Variants in IL15 observed in about 807,000 individuals in gnomAD.
IL15 encodes the protein interleukin-15.
A neutral mutation model predicts 19.6 loss-of-function variants in IL15; 11 were observed. That is an observed-to-expected ratio of 0.56 (90% CI 0.35 to 0.93). The LOEUF (loss-of-function observed/expected upper bound fraction) is 0.93, where lower values mean the gene tolerates loss of function less well. IL15 is among the 40% of genes least tolerant of loss of function. The pLI is 0.01. For synonymous variants in IL15, 58 were observed against 59.6 expected (o/e 0.97, Z 0.12); for missense variants, 197 against 186.5 (o/e 1.06, Z -0.33).
Position 141,733,895 on chromosome 4 carries a change from C to T in IL15, c.*1047C>T, listed in dbSNP as rs1234448588. The T allele has an allele frequency of 6.6e-6, 1 of 152,086 alleles. No homozygotes were observed. The highest frequency in any genetic ancestry group is 6.6e-5 in the Admixed American group (1 of 15,264). The allele number at this position is 152,086 out of a possible 1,614,324, so 9.4% of individuals were successfully genotyped here. ...AGAAAATAATTGTTTATATTTTTTG[C>T]ACTACACTGTCTAAAATTAGCAAGC... On this transcript the variant is annotated 3_prime_UTR_variant, in exon 8 of 8. Coordinates refer to ENST00000320650, the MANE Select transcript of IL15 (RefSeq NM_000585.5).
At chr4:141,723,876 G>C (rs1730175034) in intron 5 of IL15, among the ~76,000 whole-genome samples, 1 of 152,020 alleles carries the variant, frequency 6.6e-6, no homozygotes. Flanking sequence ...AAGAGAAATA[G>C]ACAAATCCAC....
At chr4:141,716,431 A>G (rs1009221509) in intron 2 of IL15, 1 of 152,244 alleles carries the variant, frequency 6.6e-6, no homozygotes, top group Non-Finnish European at 1.5e-5. Context: ...AGCTTGACCC[A>G]CTGCTTCACA....
chr4:141,694,226 G>C (rs761683853), intron 2 of IL15, among the ~76,000 whole-genome samples: 1 of 152,198 alleles, frequency 6.6e-6, no homozygotes, highest in African/African-American at 2.4e-5. Context: ...TCATCCACAC[G>C]TGAACGTGGA....
intron 2 of IL15, among the ~76,000 whole-genome samples, chr4:141,657,920 A>G (rs1727661832): frequency 6.6e-6 from 1 of 152,384 alleles, no homozygotes; most frequent in East Asian, 1.9e-4. Flanking sequence ...ATAATCAAGT[A>G]TTATGTACTG....
chr4:141,678,561 G>A (rs1402815052), intron 2 of IL15, among the ~76,000 whole-genome samples: 2 of 148,138 alleles, frequency 1.4e-5, no homozygotes, highest in Non-Finnish European at 3.0e-5. Flanking sequence ...ATTTGATCTG[G>A]TGCACACAAT....
At chr4:141,655,997 G>A (rs889765898) in intron 1 of IL15, among the ~76,000 whole-genome samples, 189 bp from the exon 2 acceptor site, 1 of 152,052 alleles carries the variant, frequency 6.6e-6, no homozygotes, top group African/African-American at 2.4e-5. Flanking sequence ...TTAAATTATG[G>A]GGAACTCTGA....
chr4:141,643,055 G>A (rs1015414680), intron 1 of IL15, among the ~76,000 whole-genome samples: 1 of 152,134 alleles, frequency 6.6e-6, no homozygotes, highest in African/African-American at 2.4e-5. Context: ...TAGTATTTTA[G>A]GGAAATTAGT....
intron 5 of IL15, among the ~76,000 whole-genome samples, chr4:141,726,154 T>A (rs1437495560): frequency 6.6e-6 from 1 of 152,106 alleles, no homozygotes; most frequent in Non-Finnish European, 1.5e-5. Context: ...AGTTTCAATC[T>A]GAATTTTGGA....
intron 2 of IL15, among the ~76,000 whole-genome samples, chr4:141,693,953 G>A (rs971165972): frequency 3.9e-5 from 6 of 152,298 alleles, no homozygotes; most frequent in Non-Finnish European, 8.8e-5. Context: ...ATTGTATATA[G>A]GTATTACTGA....
intron 7 of IL15, 75 bp from the exon 8 acceptor site, chr4:141,732,663 G>A: frequency 6.4e-7 from 1 of 1,564,116 alleles, no homozygotes; most frequent in East Asian, 2.3e-5. Context: ...CAAACGATAT[G>A]ATATTCCCAT....
intron 2 of IL15, among the ~76,000 whole-genome samples, chr4:141,710,468 T>A (rs541900684): frequency 1.8e-4 from 27 of 152,326 alleles, no homozygotes; most frequent in Admixed American, 5.9e-4. Context: ...TATCATTTTA[T>A]TTTTGTTTCA....
intron 2 of IL15, among the ~76,000 whole-genome samples, chr4:141,675,685 C>G (rs535561623): frequency 3.9e-5 from 6 of 152,228 alleles, no homozygotes; most frequent in Admixed American, 3.9e-4. Context: ...AGTTGGATTG[C>G]TTGATATGTA....
Position 141,652,716 on chromosome 4 carries a change from A to G in IL15, c.-221-3470A>G, listed in dbSNP as rs186611989. ...AGCCAAGCCTAGAGAAACTGTCTGG[A>G]GAAAGAGTACTGGAGGATTTGTGGT... On this transcript the variant is annotated intron_variant, in intron 1 of 7. Transcript: ENST00000320650. Among the ~76,000 whole-genome samples, 241 of 152,274 alleles carry G rather than the reference A, an allele frequency of 1.6e-3. 2 individuals carry two copies. Among genetic ancestry groups the G allele is most frequent in the African/African-American group, 5.6e-3 (233 of 41,568 alleles).
chr4:141,718,016 T>C (rs547618588), intron 2 of IL15: 4 of 152,326 alleles, frequency 2.6e-5, no homozygotes, highest in Admixed American at 6.5e-5. Flanking sequence ...TAGATACTTT[T>C]GAGGACATTT....
intron 2 of IL15, among the ~76,000 whole-genome samples, chr4:141,697,075 A>C (rs1231736333): frequency 6.6e-6 from 1 of 151,996 alleles, no homozygotes; most frequent in East Asian, 1.9e-4. Flanking sequence ...CTTAGTCATA[A>C]ATTCTTTGCC....
chr4:141,671,778 ATAGGACATAAATCGTAGC>A (rs1728184222), intron 2 of IL15, among the ~76,000 whole-genome samples: 1 of 152,216 alleles, frequency 6.6e-6, no homozygotes. Flanking sequence ...TTATAAAGAC[ATAGGACATAAATCGTAGC>A]TAGGACATAA....
At chr4:141,720,737 T>A in intron 4 of IL15, 171 bp downstream of exon 4, 1 of 623,552 alleles carries the variant, frequency 1.6e-6, no homozygotes, top group East Asian at 2.9e-5. Context: ...GGTAAACACC[T>A]AACTGAGCAT....
At chr4:141,687,036 A>G (rs1007418140) in intron 2 of IL15, among the ~76,000 whole-genome samples, 3 of 152,166 alleles carry the variant, frequency 2.0e-5, no homozygotes, top group Non-Finnish European at 4.4e-5. Context: ...AATTCATAAC[A>G]TATTACTGGA....
At chr4:141,650,020 C>T (rs1006835636) in intron 1 of IL15, among the ~76,000 whole-genome samples, 2 of 151,984 alleles carry the variant, frequency 1.3e-5, no homozygotes, top group Non-Finnish European at 2.9e-5. Context: ...GTGATGAAGA[C>T]AAAAATAATA....
Sources: gnomAD v4.1 joint callset for allele counts (sites outside exome capture counted in the v4.1 genomes callset) on GRCh38, gnomAD v4.1.1 for gene constraint, MANE v1.5 for transcripts, NCBI Gene and HGNC (gene_info 2026-07-23, HGNC 2026-07-21) for gene names.